DTNB: variants seen among roughly 807,000 people sequenced by gnomAD.
The protein encoded by DTNB is dystrobrevin beta.
A neutral mutation model predicts 90.7 loss-of-function variants in DTNB; 63 were observed. That is an observed-to-expected ratio of 0.69 (90% confidence interval 0.57 to 0.86). The LOEUF (loss-of-function observed/expected upper bound fraction) is 0.86, where lower values mean the gene tolerates loss of function less well. Ranked by LOEUF, DTNB falls within the 40% of genes least tolerant of loss-of-function variation. The pLI, the probability that DTNB is intolerant of heterozygous loss-of-function variation, is 0.00. For synonymous variants in DTNB, 277 were observed against 286.7 expected (o/e 0.97, Z 0.34); for missense variants, 744 against 807.1 (o/e 0.92, Z 0.95).
chr2:25,649,957 C>T, intron 2 of DTNB: 15 of 952,248 alleles, frequency 1.6e-5, no homozygotes, highest in Non-Finnish European at 1.8e-5. Flanking sequence ...CAGCAGCAGA[C>T]ACTATAGTCA....
chr2:25,531,692 C>T, intron 8 of DTNB, 95 bp from the exon 9 acceptor site: 1 of 1,467,652 alleles, frequency 6.8e-7, no homozygotes, highest in East Asian at 2.4e-5. Context: ...AGTGTAAAAA[C>T]ATCTTTTCAA....
In DTNB at chr2:25,383,906, A is replaced by C; in HGVS notation, c.1826-17T>G. On this transcript the variant is annotated splice_polypyrimidine_tract_variant and intron_variant, in intron 18 of 20. Transcript: ENST00000406818. ...CTTCCTCTGCTGTGAAAACAAGTCC[A>C]AGGAGGCCAGTGACCCTTCGGCACA... 6.2e-7 allele frequency: 1 copy of C among 1,614,038 alleles called. No individual in the cohort carries two copies. The highest frequency in any genetic ancestry group is 8.5e-7 in the Non-Finnish European group (1 of 1,179,888).
chr2:25,516,818 A>T (rs2075213257), intron 9 of DTNB, among the ~76,000 whole-genome samples: 2 of 152,136 alleles, frequency 1.3e-5, no homozygotes, highest in Non-Finnish European at 1.5e-5. Context: ...TGAACCCAGG[A>T]GACAGAAGTT....
At chr2:25,599,486 C>T (rs1008121865) in intron 5 of DTNB, among the ~76,000 whole-genome samples, 7 of 151,700 alleles carry the variant, frequency 4.6e-5, no homozygotes, top group African/African-American at 1.2e-4. Flanking sequence ...GGACTACAGG[C>T]GCCCGCCACC....
At chr2:25,510,285 TATTCTTTTG>T (rs1305344919) in intron 9 of DTNB, among the ~76,000 whole-genome samples, 4 of 152,144 alleles carry the variant, frequency 2.6e-5, no homozygotes, top group African/African-American at 9.6e-5. Context: ...GTAATTTTTA[TATTCTTTTG>T]TTTCTCCATA....
intron 8 of DTNB, among the ~76,000 whole-genome samples, chr2:25,548,404 G>A (rs979380603): frequency 6.6e-6 from 1 of 151,264 alleles, no homozygotes. Flanking sequence ...TTCAAGATGT[G>A]TGTTAAGGTT....
At chr2:25,416,396 G>A (rs2047933555) in intron 16 of DTNB, among the ~76,000 whole-genome samples, 1 of 152,178 alleles carries the variant, frequency 6.6e-6, no homozygotes, top group African/African-American at 2.4e-5. Context: ...TTTTGGCCGG[G>A]CGTGATGGCT....
intron 6 of DTNB, among the ~76,000 whole-genome samples, chr2:25,588,849 T>C (rs564504577): frequency 1.3e-5 from 2 of 152,292 alleles, no homozygotes; most frequent in Admixed American, 1.3e-4. Context: ...ATCAGAAATA[T>C]TAAGATATGA....
At chr2:25,464,904 A>T (rs1170516091) in intron 10 of DTNB, among the ~76,000 whole-genome samples, 1 of 152,182 alleles carries the variant, frequency 6.6e-6, no homozygotes, top group East Asian at 1.9e-4. Flanking sequence ...CTCACAGAAC[A>T]GAAGGAGCCA....
At chr2:25,545,400 C>G (rs1298752886) in intron 8 of DTNB, among the ~76,000 whole-genome samples, 4 of 152,170 alleles carry the variant, frequency 2.6e-5, no homozygotes, top group African/African-American at 9.7e-5. Context: ...TAAGCTCACC[C>G]TTAGCAGGGG....
intron 1 of DTNB, among the ~76,000 whole-genome samples, chr2:25,670,414 T>A (rs1399666228): frequency 6.6e-6 from 1 of 151,258 alleles, no homozygotes; most frequent in Non-Finnish European, 1.5e-5. Flanking sequence ...TATATATACA[T>A]GAAAATACAT....
intron 6 of DTNB, among the ~76,000 whole-genome samples, chr2:25,583,607 C>T (rs1022671003): frequency 6.6e-6 from 1 of 151,794 alleles, no homozygotes; most frequent in African/African-American, 2.4e-5. Context: ...CTGCAACCTC[C>T]GACTCCCTGG....
At chr2:25,537,204 T>A (rs539572041) in intron 8 of DTNB, among the ~76,000 whole-genome samples, 1 of 152,322 alleles carries the variant, frequency 6.6e-6, no homozygotes, top group South Asian at 2.1e-4. Flanking sequence ...ATCTTTTTTT[T>A]TTTGAGGATT....
intron 10 of DTNB, among the ~76,000 whole-genome samples, chr2:25,471,237 G>A (rs1165401874): frequency 2.0e-5 from 3 of 152,180 alleles, no homozygotes; most frequent in Non-Finnish European, 2.9e-5. Context: ...AGGACCTGGA[G>A]TGACATGGGG....
intron 14 of DTNB, 44 bp from the exon 15 acceptor site, chr2:25,427,675 A>G: frequency 6.3e-7 from 1 of 1,592,462 alleles, no homozygotes; most frequent in Non-Finnish European, 8.6e-7. Flanking sequence ...ACCCTCAAAG[A>G]TGGATCTAAG....
intron 5 of DTNB, among the ~76,000 whole-genome samples, chr2:25,599,834 C>T (rs2065467347): frequency 6.6e-6 from 1 of 152,158 alleles, no homozygotes; most frequent in African/African-American, 2.4e-5. Context: ...GTGGCTCACA[C>T]CTGTAATCCC....
At chr2:25,602,687 T>C (rs1180955345) in intron 5 of DTNB, among the ~76,000 whole-genome samples, 1 of 152,234 alleles carries the variant, frequency 6.6e-6, no homozygotes, top group Admixed American at 6.5e-5. Context: ...TAGTGTGGTC[T>C]ATCAAAAACA....
chr2:25,403,911 C>T (rs1478492950), intron 16 of DTNB, among the ~76,000 whole-genome samples: 1 of 152,188 alleles, frequency 6.6e-6, no homozygotes, highest in African/African-American at 2.4e-5. Context: ...GGAGTACAGG[C>T]GTGTGCCACT....
At chr2:25,598,709 T>A (rs2065168571) in intron 5 of DTNB, 1 of 152,022 alleles carries the variant, frequency 6.6e-6, no homozygotes, top group African/African-American at 2.4e-5. Context: ...TCTGGAATGA[T>A]GGGGTCAAAA....
Sources: gnomAD v4.1 joint callset for allele counts (sites outside exome capture counted in the v4.1 genomes callset) on GRCh38, gnomAD v4.1.1 for gene constraint, MANE v1.5 for transcripts, NCBI Gene and HGNC (gene_info 2026-07-23, HGNC 2026-07-21) for gene names.